The following USP34 variants were observed in gnomAD, a reference collection of about 807,000 sequenced individuals.
USP34 encodes ubiquitin specific peptidase 34.
In USP34, 70 loss-of-function variants were observed where a neutral mutation model predicts 460.3. That is an observed-to-expected ratio of 0.15 (90% CI 0.13 to 0.19). USP34 has a LOEUF of 0.19. Ranked by LOEUF, USP34 falls within the 10% of genes least tolerant of loss-of-function variation. USP34 has a pLI of 1.00. For synonymous variants in USP34, 1,647 were observed against 1,405.3 expected, an observed-to-expected ratio of 1.17 and a Z score of -3.85; for missense variants, 3,985 against 4,236.2, an observed-to-expected ratio of 0.94 and a Z score of 1.65.
chr2:61,343,848 A>G lies in USP34; in HGVS notation c.2467T>C (p.Leu823=). Residue 823 remains leucine, a synonymous_variant, in exon 16 of 80, where the codon TTA becomes CTA. Coordinates refer to ENST00000398571, the MANE Select transcript of USP34 (RefSeq NM_014709.4). ...AGATGTTCATGGTAAATGGAAGCTA[A>G]ATTGGGAAGATGTTGTTGGAGGTGA... is the stretch of plus-strand genomic sequence containing the variant. The part of the protein sequence containing the change: ...TSHLQQHLPN[L]ASIYHEHLSQ... The G allele has an allele frequency of 6.2e-7, 1 of 1,613,996 alleles. No individual in the cohort carries two copies. The highest frequency in any genetic ancestry group is 1.1e-5 in the South Asian group (1 of 91,076).
At chr2:61,333,998 T>G in intron 18 of USP34, 27 bp from the exon 19 acceptor site, 1 of 1,455,562 alleles carries the variant, frequency 6.9e-7, no homozygotes, top group Non-Finnish European at 9.3e-7. Context: ...ATTCACAAAA[T>G]AATTTTAGTA....
intron 41 of USP34, among the ~76,000 whole-genome samples, chr2:61,269,514 G>A (rs1004465144): frequency 6.6e-6 from 1 of 152,020 alleles, no homozygotes; most frequent in Non-Finnish European, 1.5e-5. Flanking sequence ...TAATCTAAAA[G>A]AGGACCATAA....
chr2:61,385,815 G>A (rs1693124457), intron 5 of USP34, among the ~76,000 whole-genome samples: 1 of 151,484 alleles, frequency 6.6e-6, no homozygotes, highest in Non-Finnish European at 1.5e-5. Context: ...CCAACATGGT[G>A]AAACTGTTTC....
Position 61,314,925 on chromosome 2 carries a change from C to A in USP34, c.3332G>T (p.Gly1111Val), listed in dbSNP as rs1320557523. The change falls in exon 24 of 80, where the codon GGT becomes GTT. Residue 1111 changes from glycine to valine, a missense_variant. Gly to Val is a moderately radical substitution (Grantham distance 109). Coordinates refer to ENST00000398571, the MANE Select transcript of USP34 (RefSeq NM_014709.4). ...CTGGATAGCTGCTCGACTGACATCACCAGATTGTGCTCTTAAAGCAATGCC... is the reference window on the plus strand; with the variant it reads ...CTGGATAGCTGCTCGACTGACATCAACAGATTGTGCTCTTAAAGCAATGCC... ...FWGIALRAQS[G>V]DVSRAAIQYI... 1 of 1,613,830 alleles carries A rather than the reference C, an allele frequency of 6.2e-7. No homozygotes were observed. Among genetic ancestry groups the A allele is most frequent in the Non-Finnish European group, 8.5e-7 (1 of 1,179,906 alleles).
At chr2:61,294,214 C>T (rs930580134) in intron 32 of USP34, among the ~76,000 whole-genome samples, 4 of 151,640 alleles carry the variant, frequency 2.6e-5, no homozygotes, top group Non-Finnish European at 4.4e-5. Context: ...GGTGTGGTGG[C>T]GGGCGCCTGT....
chr2:61,428,178 A>C (rs1694565555), intron 1 of USP34, among the ~76,000 whole-genome samples: 1 of 151,772 alleles, frequency 6.6e-6, no homozygotes, highest in Non-Finnish European at 1.5e-5. Context: ...AAAAAAAAAA[A>C]AAACTTCCAA....
intron 22 of USP34, among the ~76,000 whole-genome samples, chr2:61,318,346 C>A (rs1026400889): frequency 1.3e-5 from 2 of 151,978 alleles, no homozygotes; most frequent in South Asian, 4.1e-4. Context: ...CATTGTATAC[C>A]TATACTAAAC....
At chr2:61,345,050 A>C (rs947204822) in intron 15 of USP34, among the ~76,000 whole-genome samples, 1 of 152,194 alleles carries the variant, frequency 6.6e-6, no homozygotes, top group African/African-American at 2.4e-5. Context: ...AGGCAGGCGG[A>C]TCATTTGAGG....
rs189200597 is a variant in USP34, at chr2:61,420,986, T to C, written c.44-153A>G. Among the ~76,000 whole-genome samples, 40 of 151,992 alleles carry C rather than the reference T, an allele frequency of 2.6e-4. 2 individuals are homozygous for C. In the East Asian group the frequency reaches 7.7e-3, roughly 29 times the overall value. On this transcript the variant is annotated intron_variant, in intron 1 of 79. Transcript: ENST00000398571. Reference sequence around the variant, plus strand: ...AATAAGTCTACTTTTAATTAATAACTCATATGGACTTAAGAACAGATTTTT... The same window carrying C: ...AATAAGTCTACTTTTAATTAATAACCCATATGGACTTAAGAACAGATTTTT...
intron 5 of USP34, among the ~76,000 whole-genome samples, chr2:61,394,195 G>A (rs542932694): frequency 6.6e-6 from 1 of 152,264 alleles, no homozygotes; most frequent in East Asian, 1.9e-4. Context: ...ACAGGATACA[G>A]AAGAATTACC....
chr2:61,294,489 G>C (rs1328103016), intron 32 of USP34, among the ~76,000 whole-genome samples: 2 of 151,936 alleles, frequency 1.3e-5, no homozygotes, highest in African/African-American at 4.8e-5. Context: ...TGCGATCTCA[G>C]CTCACTGCAA....
At chr2:61,267,527 C>T (rs991832183) in intron 41 of USP34, among the ~76,000 whole-genome samples, 3 of 151,784 alleles carry the variant, frequency 2.0e-5, no homozygotes, top group African/African-American at 7.3e-5. Flanking sequence ...ACTGCAACCA[C>T]CGCTGCCCAG....
chr2:61,338,787 A>G (rs188527903), intron 18 of USP34, among the ~76,000 whole-genome samples: 2 of 152,204 alleles, frequency 1.3e-5, no homozygotes, highest in Non-Finnish European at 2.9e-5. Context: ...AAAAAACACT[A>G]ATCTGTTTAA....
chr2:61,221,396 C>A, intron 66 of USP34, 106 bp downstream of exon 66: 1 of 1,031,812 alleles, frequency 9.7e-7, no homozygotes, highest in Non-Finnish European at 1.4e-6. Context: ...CTTACTAAAA[C>A]CATCTTGGGG....
At chr2:61,225,334 A>C (rs748466810) in intron 62 of USP34, among the ~76,000 whole-genome samples, 1 of 152,150 alleles carries the variant, frequency 6.6e-6, no homozygotes, top group African/African-American at 2.4e-5. Context: ...TATTACAAAT[A>C]ATATAATTAC....
chr2:61,465,601 G>C (rs923955783), intron 1 of USP34, among the ~76,000 whole-genome samples: 1 of 152,134 alleles, frequency 6.6e-6, no homozygotes, highest in South Asian at 2.1e-4. Flanking sequence ...CCAGTACTTG[G>C]GGAGGCTGAG....
intron 10 of USP34, among the ~76,000 whole-genome samples, chr2:61,360,425 G>C (rs1692239526): frequency 6.6e-6 from 1 of 152,022 alleles, no homozygotes; most frequent in Non-Finnish European, 1.5e-5. Context: ...ACGCAATTAA[G>C]AAAACAGTCC....
Position 61,223,071 on chromosome 2 carries a change from G to A in USP34, c.7738C>T (p.Leu2580Phe). The A allele has an allele frequency of 6.2e-7, 1 of 1,612,868 alleles. No homozygotes were observed. Among genetic ancestry groups the A allele is most frequent in the Non-Finnish European group, 8.5e-7 (1 of 1,179,164 alleles). The change falls in exon 64 of 80, where the codon CTT becomes TTT. Residue 2580 changes from leucine to phenylalanine, a missense_variant. This residue lies in a region of USP34 where 604 missense variants were observed against 684.8 expected (regional missense o/e 0.88). Coordinates refer to ENST00000398571, the MANE Select transcript of USP34 (RefSeq NM_014709.4). ...TCCTTAGCACTTACATGTTCTGCAA[G>A]TCGATTATTGTATCGACACAGGCTG... ...IFSLCRYNNR[L>F]AEHIVSMLFT...
intron 1 of USP34, among the ~76,000 whole-genome samples, chr2:61,445,876 A>G (rs1695100261): frequency 6.6e-6 from 1 of 151,896 alleles, no homozygotes; most frequent in African/African-American, 2.4e-5. Flanking sequence ...TGAACCTGAA[A>G]GGCAGAGGTT....
Sources: allele counts gnomAD v4.1 joint callset (sites outside exome capture counted in the v4.1 genomes callset), GRCh38; gene constraint gnomAD v4.1.1; regional missense constraint gnomAD v4.1.1; transcripts MANE v1.5; gene names NCBI Gene and HGNC (gene_info 2026-07-23, HGNC 2026-07-21).